ITGB8: variants seen among roughly 807,000 people sequenced by gnomAD.
ITGB8 encodes the protein integrin subunit beta 8, also known as integrin beta-8.
Under a neutral mutation model 89.5 loss-of-function variants are expected in ITGB8, and 30 were observed. The observed-to-expected ratio is 0.34, with a 90% confidence interval of 0.25 to 0.45. The LOEUF (loss-of-function observed/expected upper bound fraction) is 0.45. Among genes scored for constraint, ITGB8 ranks in the 20% least tolerant of loss-of-function variants. The pLI, the probability that ITGB8 is intolerant of heterozygous loss-of-function variation, is 1.00. For synonymous variants in ITGB8, 335 were observed against 320.4 expected (o/e 1.05, Z -0.49); for missense variants, 836 against 933.3 (o/e 0.90, Z 1.36).
Position 20,398,985 on chromosome 7 carries a change from C to A in ITGB8, c.1272C>A (p.Ser424Arg), listed in dbSNP as rs780406698. 3 of 1,613,026 alleles carry A rather than the reference C, an allele frequency of 1.9e-6. No homozygotes were observed. The highest frequency in any genetic ancestry group is 2.5e-6 in the Non-Finnish European group (3 of 1,179,598). ...PGMEGCRNVT[S>R]NDEVLFNVTV... ...TGGAAGGATGCAGAAACGTGACGAG[C>A]AATGATGAAGTATGTGGGTGTGCAT... Residue 424 changes from serine (S) to arginine (R), a missense_variant, in exon 9 of 14, where the codon AGC becomes AGA. Physicochemically the swap from Ser to Arg is moderately radical, Grantham distance 110 (BLOSUM62 -1). Around this residue, in one of 5 missense-constraint regions of ITGB8, gnomAD observed 422 missense variants for 416.9 expected, o/e 1.01. Coordinates refer to ENST00000222573, the MANE Select transcript of ITGB8 (RefSeq NM_002214.3).
In ITGB8 at chr7:20,410,925, A is replaced by C. The variant is rs1454053583; in HGVS notation, c.*928A>C. The C allele has an allele frequency of 6.6e-6, 1 of 152,566 alleles. No individual in the cohort carries two copies. Among genetic ancestry groups the C allele is most frequent in the Non-Finnish European group, 1.5e-5 (1 of 68,044 alleles). The allele number at this position is 152,566 out of a possible 1,614,324, so 9.5% of individuals were successfully genotyped here. A position where few individuals can be genotyped will look rare whatever the true frequency, so the allele number is the denominator to read the frequency against. On this transcript the variant is annotated 3_prime_UTR_variant, in exon 14 of 14. Coordinates refer to ENST00000222573, the MANE Select transcript of ITGB8 (RefSeq NM_002214.3). ...ATTTCATTTATCTTATCATTAATTC[A>C]CAAGATAGTTAGAAATTCTGCCTCA...
intron 8 of ITGB8, among the ~76,000 whole-genome samples, chr7:20,395,942 T>C (rs78895196): frequency 0.013 from 1,993 of 152,350 alleles, 50 homozygotes; most frequent in African/African-American, 0.046. Flanking sequence ...ATATGCTTTA[T>C]GCTACCTTGA....
intron 7 of ITGB8, among the ~76,000 whole-genome samples, chr7:20,394,316 C>T (rs1324535772): frequency 6.6e-6 from 1 of 152,126 alleles, no homozygotes; most frequent in Non-Finnish European, 1.5e-5. Flanking sequence ...GCTCATTCTC[C>T]CTAAAAATAC....
intron 7 of ITGB8, among the ~76,000 whole-genome samples, chr7:20,393,553 A>C (rs1278475011): frequency 3.9e-5 from 6 of 152,210 alleles, no homozygotes; most frequent in Non-Finnish European, 8.8e-5. Flanking sequence ...TGCCCTCTGA[A>C]TTAGAGGACC....
intron 3 of ITGB8, among the ~76,000 whole-genome samples, chr7:20,370,484 A>T (rs937164579): frequency 9.2e-5 from 14 of 151,442 alleles, no homozygotes; most frequent in African/African-American, 3.4e-4. Context: ...CCCTAAAAAC[A>T]TTAGGTCTAA....
intron 9 of ITGB8, among the ~76,000 whole-genome samples, chr7:20,401,481 G>T (rs1562700398): frequency 6.6e-6 from 1 of 152,120 alleles, no homozygotes; most frequent in Non-Finnish European, 1.5e-5. Flanking sequence ...CTATTTAATG[G>T]TGCAATATAG....
At chr7:20,380,942 C>T (rs1786353523) in intron 5 of ITGB8, 111 bp downstream of exon 5, 1 of 915,328 alleles carries the variant, frequency 1.1e-6, no homozygotes, top group South Asian at 1.6e-5. Flanking sequence ...TAGAAGAAAA[C>T]ATATCTTACT....
intron 1 of ITGB8, among the ~76,000 whole-genome samples, chr7:20,335,983 G>C (rs1285172555): frequency 1.4e-5 from 2 of 146,264 alleles, no homozygotes; most frequent in Non-Finnish European, 3.0e-5. Flanking sequence ...GGACTTCTCT[G>C]ATCCAGTCTT....
At position 20,331,692 on chromosome 7, in the gene ITGB8, T is replaced by TGCGGAAAACGTCCTAGCGACACTCGGCCC; in HGVS notation, c.-110_-82dup. ...AGCCGCGGGGTCCGCCTGCTAGGCC[T>TGCGGAAAACGTCCTAGCGACACTCGGCCC]GCGGAAAACGTCCTAGCGACACTCG... On this transcript the variant is annotated 5_prime_UTR_variant, in exon 1 of 14. Transcript: ENST00000222573. The TGCGGAAAACGTCCTAGCGACACTCGGCCC allele has an allele frequency of 7.8e-7, 1 of 1,290,090 alleles. No individual in the cohort carries two copies. The highest frequency in any genetic ancestry group is 1.0e-6 in the Non-Finnish European group (1 of 973,442). 79.9% of individuals were successfully genotyped at this position (1,290,090 alleles called of 1,614,324 possible). A position where few individuals can be genotyped will look rare whatever the true frequency, so the allele number is the denominator to read the frequency against.
At chr7:20,381,687 G>C (rs762573997) in intron 5 of ITGB8, 40 bp from the exon 6 acceptor site, 5 of 1,504,344 alleles carry the variant, frequency 3.3e-6, no homozygotes, top group Non-Finnish European at 4.6e-6. Context: ...GTACACATCT[G>C]TGTTATTGTA....
At chr7:20,336,591 C>T (rs1248559944) in intron 1 of ITGB8, among the ~76,000 whole-genome samples, 1 of 152,300 alleles carries the variant, frequency 6.6e-6, no homozygotes, top group Admixed American at 6.5e-5. Flanking sequence ...ATTTGAACAT[C>T]GTAGAGAAAG....
chr7:20,405,994 TGCAG>T, intron 11 of ITGB8, 64 bp from the exon 12 acceptor site: 6 of 934,564 alleles, frequency 6.4e-6, no homozygotes, highest in Admixed American at 2.0e-5. Flanking sequence ...TTTTTTTTCT[TGCAG>T]AAAATATTAT....
chr7:20,357,857 G>A (rs777887585), intron 1 of ITGB8, among the ~76,000 whole-genome samples: 71 of 152,166 alleles, frequency 4.7e-4, no homozygotes, highest in Non-Finnish European at 8.2e-4. Context: ...AACAAATCCA[G>A]AAATAGAATT....
intron 4 of ITGB8, chr7:20,380,110 G>C (rs941082204): frequency 6.5e-6 from 1 of 153,164 alleles, no homozygotes; most frequent in Non-Finnish European, 1.5e-5. Flanking sequence ...TCCATCAATG[G>C]AGTTTCATAA....
At chr7:20,370,600 T>A (rs938424119) in intron 3 of ITGB8, among the ~76,000 whole-genome samples, 57 of 144,410 alleles carry the variant, frequency 3.9e-4, no homozygotes, top group East Asian at 2.8e-3. Context: ...TATTTACTTA[T>A]TTATTATTAT....
chr7:20,378,906 A>G (rs943899280), intron 3 of ITGB8, 145 bp from the exon 4 acceptor site: 49 of 324,264 alleles, frequency 1.5e-4, no homozygotes, highest in Non-Finnish European at 2.3e-4. Flanking sequence ...TACTATAATT[A>G]TTATAATTAC....
At chr7:20,396,892 A>C (rs185229514) in intron 8 of ITGB8, among the ~76,000 whole-genome samples, 91 of 152,262 alleles carry the variant, frequency 6.0e-4, no homozygotes, top group African/African-American at 2.2e-3. Context: ...CATCAACCGT[A>C]AACAGTGGAA....
intron 1 of ITGB8, among the ~76,000 whole-genome samples, chr7:20,334,352 T>G (rs180809940): frequency 2.0e-5 from 3 of 152,318 alleles, no homozygotes; most frequent in Admixed American, 2.0e-4. Context: ...TTTCCACATT[T>G]ACTTATTTTA....
chr7:20,389,981 T>C (rs1399142520), intron 6 of ITGB8, among the ~76,000 whole-genome samples: 2 of 152,140 alleles, frequency 1.3e-5, no homozygotes, highest in Non-Finnish European at 2.9e-5. Flanking sequence ...CTCATGAAAA[T>C]TTGATTTGTT....
Sources: gnomAD v4.1 joint callset for allele counts (sites outside exome capture counted in the v4.1 genomes callset) on GRCh38, gnomAD v4.1.1 for gene constraint, gnomAD v4.1.1 regional missense constraint, MANE v1.5 for transcripts, NCBI Gene and HGNC (gene_info 2026-07-23, HGNC 2026-07-21) for gene names.